DSCAM: variants seen among roughly 807,000 people sequenced by gnomAD.
DSCAM encodes DS cell adhesion molecule, also known as cell adhesion molecule DSCAM.
Under a neutral mutation model 217.7 loss-of-function variants are expected in DSCAM, and 47 were observed. The ratio of observed to expected loss-of-function variants is 0.22; its 90% CI spans 0.17 to 0.28. DSCAM has a LOEUF of 0.28. Ranked by LOEUF, DSCAM falls within the 10% of genes least tolerant of loss-of-function variation. The pLI is 1.00. For synonymous variants in DSCAM, 1,056 were observed against 1,015.3 expected (o/e 1.04, Z -0.76); for missense variants, 2,080 against 2,618.3 (o/e 0.79, Z 4.49).
intron 3 of DSCAM, among the ~76,000 whole-genome samples, chr21:40,432,221 T>A (rs6517591): frequency 0.2 from 29,624 of 149,660 alleles, 3,012 homozygotes; most frequent in Middle Eastern, 0.24. Flanking sequence ...AAAATAAATA[T>A]ATAAATAAAT....
chr21:40,477,284 C>A (rs2075945131), intron 3 of DSCAM, among the ~76,000 whole-genome samples: 1 of 151,754 alleles, frequency 6.6e-6, no homozygotes, highest in African/African-American at 2.4e-5. Context: ...AGAAATTGAT[C>A]TAACAAAAGA....
At chr21:40,685,724 G>A (rs1347795844) in intron 3 of DSCAM, among the ~76,000 whole-genome samples, 10 of 152,150 alleles carry the variant, frequency 6.6e-5, no homozygotes, top group Non-Finnish European at 1.5e-4. Context: ...AGTCTTCCTG[G>A]CAGATCACCA....
chr21:40,771,118 G>A (rs758504749), intron 1 of DSCAM, among the ~76,000 whole-genome samples: 35 of 152,310 alleles, frequency 2.3e-4, no homozygotes, highest in South Asian at 1.9e-3. Flanking sequence ...AACAGAGTTG[G>A]GCAGTGTAAA....
intron 3 of DSCAM, among the ~76,000 whole-genome samples, chr21:40,509,358 AG>A (rs1330863879): frequency 1.3e-5 from 2 of 152,214 alleles, no homozygotes; most frequent in African/African-American, 2.4e-5. Flanking sequence ...TGATTAGCAA[AG>A]GGTCTTTTTC....
chr21:40,679,860 A>G (rs2090380710), intron 3 of DSCAM, among the ~76,000 whole-genome samples: 1 of 152,234 alleles, frequency 6.6e-6, no homozygotes, highest in African/African-American at 2.4e-5. Flanking sequence ...TCTTCAGCAT[A>G]CCTTGCATTT....
At chr21:40,615,024 C>A (rs920167253) in intron 3 of DSCAM, among the ~76,000 whole-genome samples, 2 of 151,270 alleles carry the variant, frequency 1.3e-5, no homozygotes, top group East Asian at 3.9e-4. Flanking sequence ...TAGATGGGGG[C>A]CAGGCGTAGT....
At chr21:40,147,356 A>G (rs944074484) in intron 16 of DSCAM, among the ~76,000 whole-genome samples, 2 of 152,264 alleles carry the variant, frequency 1.3e-5, no homozygotes, top group Admixed American at 1.3e-4. Flanking sequence ...GGTAGAAAGG[A>G]GAAATCTTCC....
At chr21:40,087,384 G>A in intron 21 of DSCAM, 97 bp from the exon 22 acceptor site, 1 of 856,000 alleles carries the variant, frequency 1.2e-6, no homozygotes, top group Non-Finnish European at 2.0e-6. Context: ...CCTAAAAATG[G>A]ATGTGAAGCC....
chr21:40,183,191 C>T (rs1241909732), intron 14 of DSCAM, among the ~76,000 whole-genome samples: 1 of 152,086 alleles, frequency 6.6e-6, no homozygotes, highest in Non-Finnish European at 1.5e-5. Flanking sequence ...GAAGGGCAGG[C>T]TGCCTTCCAA....
chr21:40,294,843 T>C (rs2073935739), intron 10 of DSCAM, among the ~76,000 whole-genome samples: 1 of 152,224 alleles, frequency 6.6e-6, no homozygotes, highest in African/African-American at 2.4e-5. Context: ...AACAGGATTT[T>C]ATTTTTGAAG....
At chr21:40,417,915 G>C (rs780234301) in intron 3 of DSCAM, among the ~76,000 whole-genome samples, 1 of 152,068 alleles carries the variant, frequency 6.6e-6, no homozygotes, top group Non-Finnish European at 1.5e-5. Flanking sequence ...ATGTATAAAC[G>C]GGGAAGGTGA....
intron 3 of DSCAM, among the ~76,000 whole-genome samples, chr21:40,422,855 T>C (rs1030122926): frequency 6.6e-6 from 1 of 152,208 alleles, no homozygotes; most frequent in African/African-American, 2.4e-5. Flanking sequence ...ATCAATGTAA[T>C]AGGTAATCAA....
chr21:40,624,348 CT>C (rs912316783), intron 3 of DSCAM, among the ~76,000 whole-genome samples: 1 of 152,038 alleles, frequency 6.6e-6, no homozygotes, highest in Non-Finnish European at 1.5e-5. Context: ...TTTTTTTAAA[CT>C]TTTTTTTAAG....
At chr21:40,409,225 T>A (rs989443936) in intron 3 of DSCAM, among the ~76,000 whole-genome samples, 3 of 152,220 alleles carry the variant, frequency 2.0e-5, no homozygotes, top group African/African-American at 4.8e-5. Context: ...AATTTGTATT[T>A]TTAAATGTTA....
intron 8 of DSCAM, among the ~76,000 whole-genome samples, chr21:40,327,695 C>T (rs943111311): frequency 7.9e-5 from 12 of 151,742 alleles, no homozygotes; most frequent in African/African-American, 2.9e-4. Context: ...CATGTATGGC[C>T]TTTATTATGT....
intron 15 of DSCAM, among the ~76,000 whole-genome samples, chr21:40,177,585 C>G (rs2090747158): frequency 6.6e-6 from 1 of 152,320 alleles, no homozygotes; most frequent in East Asian, 1.9e-4. Context: ...ATTGATCCAG[C>G]CATCTGACTT....
chr21:40,715,395 T>C lies in DSCAM; in HGVS notation c.44-6624A>G, dbSNP rs562173947. On this transcript the variant is annotated intron_variant, in intron 1 of 32. Coordinates refer to ENST00000400454, the MANE Select transcript of DSCAM (RefSeq NM_001389.5). ...CCAAGAGTTTGGCCTCCAGGGCCAG[T>C]TGGGGCTATGGCTAAGCTGGGAAGC... Among the ~76,000 whole-genome samples, 25 of 152,318 alleles carry C rather than the reference T, an allele frequency of 1.6e-4. No homozygotes were observed. The South Asian group carries it at 1.7e-3, about 10-fold the overall frequency.
chr21:40,410,735 T>A (rs2075315166), intron 3 of DSCAM, among the ~76,000 whole-genome samples: 1 of 150,546 alleles, frequency 6.6e-6, no homozygotes, highest in African/African-American at 2.4e-5. Context: ...GAAAAACTGT[T>A]GATATAGAAT....
chr21:40,813,476 T>G (rs1052394018), intron 1 of DSCAM, among the ~76,000 whole-genome samples: 2 of 152,220 alleles, frequency 1.3e-5, no homozygotes, highest in Non-Finnish European at 2.9e-5. Context: ...TTAGCACTGC[T>G]TTTGCTGTAT....
Sources: allele counts gnomAD v4.1 joint callset (sites outside exome capture counted in the v4.1 genomes callset), GRCh38; gene constraint gnomAD v4.1.1; transcripts MANE v1.5; gene names NCBI Gene and HGNC (gene_info 2026-07-23, HGNC 2026-07-21).